CDC42BPB: variants seen among roughly 807,000 people sequenced by gnomAD.
The protein encoded by CDC42BPB is CDC42 binding protein kinase beta, also known as serine/threonine-protein kinase MRCK beta.
CDC42BPB carries 37 observed loss-of-function variants against 214.9 expected under a neutral mutation model. The ratio of observed to expected loss-of-function variants is 0.17; its 90% CI spans 0.13 to 0.23. The LOEUF (loss-of-function observed/expected upper bound fraction) is 0.23, where lower values mean the gene tolerates loss of function less well. Among genes scored for constraint, CDC42BPB ranks in the 10% least tolerant of loss-of-function variants. The pLI, the probability that CDC42BPB is intolerant of heterozygous loss-of-function variation, is 1.00. For missense variants in CDC42BPB, 1,694 were observed against 2,227.0 expected (o/e 0.76, Z 4.82); for synonymous variants, 931 against 884.0 (o/e 1.05, Z -0.94).
intron 12 of CDC42BPB, 75 bp downstream of exon 12, chr14:102,973,941 C>A: frequency 1.3e-6 from 2 of 1,499,524 alleles, no homozygotes; most frequent in Non-Finnish European, 9.0e-7. Flanking sequence ...GGTCTTCCAT[C>A]ATCGGCATGA....
At position 102,932,471 on chromosome 14, in the gene CDC42BPB, T is replaced by TA. The variant is rs1891418482; in HGVS notation, c.*1240dup. On this transcript the variant is annotated 3_prime_UTR_variant, in exon 37 of 37. Transcript: ENST00000361246. ...ATAATTAATTACAAAGACTGAGACT[T>TA]ACATTAAAAAAGTAAAAACCAGAAC... 1 of 152,404 alleles carries TA rather than the reference T, an allele frequency of 6.6e-6. No individual in the cohort carries two copies. The highest frequency in any genetic ancestry group is 1.5e-5 in the Non-Finnish European group (1 of 68,042). 9.4% of individuals were successfully genotyped at this position (152,404 alleles called of 1,614,324 possible). A position where few individuals can be genotyped will look rare whatever the true frequency, so the allele number is the denominator to read the frequency against.
At chr14:102,999,858 CTCCTTCTGGAACA>C (rs1461979139) in intron 4 of CDC42BPB, 145 bp from the exon 5 acceptor site, 30 of 1,465,124 alleles carry the variant, frequency 2.0e-5, no homozygotes, top group Admixed American at 2.5e-5. Flanking sequence ...ACCCAAGACC[CTCCTTCTGGAACA>C]TGCGCCCCGA....
chr14:103,050,743 C>G (rs768314404), intron 1 of CDC42BPB, among the ~76,000 whole-genome samples: 3 of 151,504 alleles, frequency 2.0e-5, no homozygotes, highest in Non-Finnish European at 4.4e-5. Flanking sequence ...GGTAACAGAG[C>G]AAGACCCTGT....
intron 1 of CDC42BPB, among the ~76,000 whole-genome samples, chr14:103,012,530 C>A (rs560547026): frequency 3.9e-5 from 6 of 152,136 alleles, no homozygotes; most frequent in Admixed American, 3.9e-4. Flanking sequence ...TATGGCCAGG[C>A]GCGGTGGCTC....
At chr14:103,025,700 C>T (rs745909061) in intron 1 of CDC42BPB, among the ~76,000 whole-genome samples, 2 of 151,782 alleles carry the variant, frequency 1.3e-5, no homozygotes, top group African/African-American at 2.4e-5. Flanking sequence ...TGCCTATAGT[C>T]CCAGCTACTA....
intron 2 of CDC42BPB, among the ~76,000 whole-genome samples, chr14:103,011,098 C>T (rs1043583019): frequency 2.0e-5 from 3 of 152,240 alleles, no homozygotes; most frequent in Admixed American, 6.5e-5. Context: ...GGCGGTACCG[C>T]GGCCGCTGAG....
At chr14:103,029,847 G>GT (rs2139700291) in intron 1 of CDC42BPB, among the ~76,000 whole-genome samples, 1 of 111,310 alleles carries the variant, frequency 9.0e-6, no homozygotes, top group African/African-American at 3.5e-5. Context: ...GACAGAGGGA[G>GT]ACTCCATCTC....
intron 1 of CDC42BPB, among the ~76,000 whole-genome samples, chr14:103,040,622 C>A (rs1194142612): frequency 6.6e-6 from 1 of 151,804 alleles, no homozygotes; most frequent in East Asian, 2.0e-4. Context: ...ACACACCCAG[C>A]TAATTTTTGT....
chr14:103,023,168 A>ATTTT (rs35470028), intron 1 of CDC42BPB, among the ~76,000 whole-genome samples: 3 of 129,160 alleles, frequency 2.3e-5, no homozygotes, highest in Admixed American at 7.8e-5. Context: ...CATGTGGCTA[A>ATTTT]TTTTTTTTTT....
At chr14:103,045,503 G>GGC (rs1263182482) in intron 1 of CDC42BPB, among the ~76,000 whole-genome samples, 15 of 152,088 alleles carry the variant, frequency 9.9e-5, no homozygotes, top group Admixed American at 6.6e-4. Context: ...CCGAGGAGCA[G>GGC]GCGCTGTCCA....
chr14:102,992,079 T>C (rs1213720036), intron 5 of CDC42BPB, among the ~76,000 whole-genome samples: 1 of 152,070 alleles, frequency 6.6e-6, no homozygotes, highest in African/African-American at 2.4e-5. Flanking sequence ...ATTCTGTCAC[T>C]GTGGAAAGTT....
At position 103,042,313 on chromosome 14, in the gene CDC42BPB, A is replaced by AT. The variant is rs879522721; in HGVS notation, c.175+14685dup. Among the ~76,000 whole-genome samples the AT allele has an allele frequency of 3.8e-3, 558 of 145,102 alleles. 1 individual carries two copies. The highest frequency in any genetic ancestry group is 6.8e-3 in the South Asian group (31 of 4,544). On this transcript the variant is annotated intron_variant, in intron 1 of 36. Transcript: ENST00000361246. Reference sequence around the variant, plus strand: ...TAAAATTCAACAAAAACACAACCCAATTTTTTTTTTTTTTGAGACGGAGTC... The same window carrying AT: ...TAAAATTCAACAAAAACACAACCCAATTTTTTTTTTTTTTTGAGACGGAGTC...
rs888044467 is a variant in CDC42BPB, at chr14:102,934,763, G to A, written c.5005-920C>T. ...GCGGTGGCTCACACCTGTAATCCCAGCACTTTGGGAGGCCAAGGTGGGCAG... is the reference window on the plus strand; with the variant it reads ...GCGGTGGCTCACACCTGTAATCCCAACACTTTGGGAGGCCAAGGTGGGCAG... On this transcript the variant is annotated intron_variant, in intron 36 of 36. Transcript: ENST00000361246. Among the ~76,000 whole-genome samples, 13 of 152,060 alleles carry A rather than the reference G, an allele frequency of 8.5e-5. No individual in the cohort carries two copies. In the South Asian group the frequency reaches 1.9e-3, roughly 22 times the overall value.
intron 6 of CDC42BPB, 80 bp from the exon 7 acceptor site, chr14:102,983,836 G>C (rs1894117110): frequency 6.6e-7 from 1 of 1,506,124 alleles, no homozygotes; most frequent in Admixed American, 2.3e-5. Flanking sequence ...CTAAAATATA[G>C]CGGAGGCAGA....
chr14:102,995,040 T>A (rs910315387), intron 5 of CDC42BPB, among the ~76,000 whole-genome samples: 10 of 152,248 alleles, frequency 6.6e-5, no homozygotes, highest in African/African-American at 2.4e-4. Flanking sequence ...TCTACTCAAC[T>A]TTCTACTTTA....
chr14:102,938,065 T>C, intron 36 of CDC42BPB, 39 bp downstream of exon 36: 1 of 1,604,460 alleles, frequency 6.2e-7, no homozygotes, highest in Non-Finnish European at 8.5e-7. Flanking sequence ...CCTGCAGTGG[T>C]GGCTCATAGC....
intron 21 of CDC42BPB, among the ~76,000 whole-genome samples, chr14:102,959,247 A>G (rs1892849093): frequency 6.6e-6 from 1 of 151,660 alleles, no homozygotes; most frequent in Admixed American, 6.6e-5. Context: ...CAGTGAGCCA[A>G]GATCATGCCA....
chr14:102,973,833 G>A (rs896460829), intron 12 of CDC42BPB, among the ~76,000 whole-genome samples, 183 bp downstream of exon 12: 12 of 152,224 alleles, frequency 7.9e-5, no homozygotes, highest in Non-Finnish European at 1.0e-4. Context: ...CCGACGCGGG[G>A]GCTGTGCAGC....
intron 11 of CDC42BPB, 85 bp downstream of exon 11, chr14:102,975,599 C>A: frequency 2.2e-6 from 3 of 1,380,106 alleles, no homozygotes; most frequent in South Asian, 2.6e-5. Context: ...TGCTTTCCCA[C>A]TTTATGAAAA....
Sources: allele counts gnomAD v4.1 joint callset (sites outside exome capture counted in the v4.1 genomes callset), GRCh38; gene constraint gnomAD v4.1.1; transcripts MANE v1.5; gene names NCBI Gene and HGNC (gene_info 2026-07-23, HGNC 2026-07-21).